PLCG1: variants seen among roughly 807,000 people sequenced by gnomAD.
PLCG1 encodes phospholipase C gamma 1.
A neutral mutation model predicts 177.8 loss-of-function variants in PLCG1; 71 were observed. The ratio of observed to expected loss-of-function variants is 0.40; its 90% CI spans 0.33 to 0.49. The LOEUF is 0.49. PLCG1 is among the 20% of genes least tolerant of loss of function. The pLI is 0.72. For missense variants in PLCG1, 1,281 were observed against 1,709.0 expected (o/e 0.75, Z 4.42); for synonymous variants, 658 against 647.9 (o/e 1.02, Z -0.24).
chr20:41,169,919 CAG>C (rs2035837022), intron 23 of PLCG1, among the ~76,000 whole-genome samples, 191 bp from the exon 24 acceptor site: 3 of 152,180 alleles, frequency 2.0e-5, no homozygotes, highest in African/African-American at 7.2e-5. Flanking sequence ...CCACCACAAC[CAG>C]CAGTGACTTG....
At position 41,163,240 on chromosome 20, in the gene PLCG1, C is replaced by A. The variant is rs145031121; in HGVS notation, c.754C>A (p.Pro252Thr). The change falls in exon 8 of 32, where the codon CCT becomes ACT. Residue 252 changes from proline (P) to threonine (T), a missense_variant. Physicochemically the swap from Pro to Thr is conservative, Grantham distance 38. This residue lies in a region of PLCG1 where 374 missense variants were observed against 443.8 expected (regional missense o/e 0.84). Coordinates refer to ENST00000685551, the MANE Select transcript of PLCG1 (RefSeq NM_002660.3). The surrounding 1 kb of genome is among the most constrained non-coding windows in gnomAD (Gnocchi z 5.2). ...ERPELCRVSL[P>T]EFQQFLLDYQ... ...GCCGGAGCTTTGCCGAGTGTCCCTTCCTGAGTTCCAGCAGTTCCTTCTTGA... is the reference window on the plus strand; with the variant it reads ...GCCGGAGCTTTGCCGAGTGTCCCTTACTGAGTTCCAGCAGTTCCTTCTTGA... The A allele has an allele frequency of 2.3e-5, 35 of 1,552,620 alleles. No individual in the cohort carries two copies. In the African/African-American group the frequency reaches 4.0e-4, roughly 18 times the overall value.
chr20:41,173,373 G>C lies in PLCG1; in HGVS notation c.3280-47G>C. Reference sequence around the variant, plus strand: ...ACTGAGCCTCCGCAGTGGGGAATTGGAGGGAGCAGGAAGGACAATCCCAGG... The same window carrying C: ...ACTGAGCCTCCGCAGTGGGGAATTGCAGGGAGCAGGAAGGACAATCCCAGG... On this transcript the variant is annotated intron_variant, in intron 27 of 31. Transcript: ENST00000685551. This position sits in a 1 kb window ranked among gnomAD's most constrained non-coding sequence, Gnocchi z 6.2. 2 of 1,501,086 alleles carry C rather than the reference G, an allele frequency of 1.3e-6. No individual in the cohort carries two copies. The highest frequency in any genetic ancestry group is 1.4e-5 in the African/African-American group (1 of 72,232). The allele number at this position is 1,501,086 out of a possible 1,614,324, so 93.0% of individuals were successfully genotyped here.
At chr20:41,140,595 C>A (rs1335580885) in intron 1 of PLCG1, among the ~76,000 whole-genome samples, 2 of 152,156 alleles carry the variant, frequency 1.3e-5, no homozygotes, top group East Asian at 3.8e-4. Context: ...TGCCCTGACT[C>A]TGTGCCCTCT....
intron 1 of PLCG1, among the ~76,000 whole-genome samples, chr20:41,142,839 A>G (rs2034872078): frequency 1.3e-5 from 2 of 152,212 alleles, no homozygotes; most frequent in Admixed American, 6.5e-5. Context: ...AGTGTGGCAC[A>G]GTGTAAGTGC....
At position 41,173,040 on chromosome 20, in the gene PLCG1, A is replaced by C. The variant is rs1397499670; in HGVS notation, c.3279+163A>C. On this transcript the variant is annotated intron_variant, in intron 27 of 31. Transcript: ENST00000685551. The surrounding 1 kb of genome is among the most constrained non-coding windows in gnomAD (Gnocchi z 6.2). ...GAAGGGGTGAAGATAGCATGCAGTCACTGTATGCATCTAGGACGTGCAGAG... is the reference window on the plus strand; with the variant it reads ...GAAGGGGTGAAGATAGCATGCAGTCCCTGTATGCATCTAGGACGTGCAGAG... Among the ~76,000 whole-genome samples the C allele has an allele frequency of 6.6e-6, 1 of 152,186 alleles. No homozygotes were observed. The highest frequency in any genetic ancestry group is 1.5e-5 in the Non-Finnish European group (1 of 68,032).
intron 1 of PLCG1, among the ~76,000 whole-genome samples, chr20:41,155,697 G>A (rs2146023970): frequency 6.6e-6 from 1 of 152,320 alleles, no homozygotes. Flanking sequence ...GCCTTGGCAA[G>A]TGGCCTTATT....
At position 41,163,014 on chromosome 20, in the gene PLCG1, T is replaced by C; in HGVS notation, c.716+22T>C. The C allele has an allele frequency of 1.2e-6, 2 of 1,612,126 alleles. No homozygotes were observed. The highest frequency in any genetic ancestry group is 1.7e-6 in the Non-Finnish European group (2 of 1,178,464). On this transcript the variant is annotated intron_variant, in intron 7 of 31. Coordinates refer to ENST00000685551, the MANE Select transcript of PLCG1 (RefSeq NM_002660.3). The surrounding 1 kb of genome is among the most constrained non-coding windows in gnomAD (Gnocchi z 5.2). ...TGAGGTTTGGTTTGGAGTGGGGAGGTGGGGTTTTCCCTGGGCCCCCTTCAT... is the reference window on the plus strand; with the variant it reads ...TGAGGTTTGGTTTGGAGTGGGGAGGCGGGGTTTTCCCTGGGCCCCCTTCAT...
In PLCG1 at chr20:41,167,691, C is replaced by T. The variant is rs6093449; in HGVS notation, c.2302-161C>T. 4 of 620,402 alleles carry T rather than the reference C, an allele frequency of 6.4e-6. No individual in the cohort carries two copies. The highest frequency in any genetic ancestry group is 5.4e-5 in the Admixed American group (2 of 36,734). 38.4% of individuals were successfully genotyped at this position (620,402 alleles called of 1,614,324 possible). The stretch of plus-strand genomic sequence containing the variant: ...AGGAAAGGGAACAGTGAGGCCGGGC[C>T]TGAGGCCTCTGAAGCCGTCTCTACT... On this transcript the variant is annotated intron_variant, in intron 19 of 31. Transcript: ENST00000685551. This position sits in a 1 kb window ranked among gnomAD's most constrained non-coding sequence, Gnocchi z 4.4.
chr20:41,140,092 C>T (rs909905361), intron 1 of PLCG1, among the ~76,000 whole-genome samples: 3 of 152,132 alleles, frequency 2.0e-5, no homozygotes, highest in Admixed American at 6.5e-5. Flanking sequence ...TGATAACCCC[C>T]TACCCAGGGG....
chr20:41,140,672 C>A (rs906791026), intron 1 of PLCG1, among the ~76,000 whole-genome samples: 2 of 152,036 alleles, frequency 1.3e-5, no homozygotes, highest in African/African-American at 4.8e-5. Flanking sequence ...GGCTCAAAAG[C>A]GGGGTGGGGA....
intron 1 of PLCG1, among the ~76,000 whole-genome samples, chr20:41,141,807 C>T (rs1003227919): frequency 9.2e-5 from 14 of 152,220 alleles, no homozygotes; most frequent in African/African-American, 3.1e-4. Context: ...GGGCCTGCTT[C>T]ACAGATAACT....
In PLCG1 at chr20:41,137,624, GC is replaced by G. The variant is rs1181922344; in HGVS notation, c.-13del. Reference sequence around the variant, plus strand: ...GGCGGTCCTGGCCTGTGCCGCCGCCGCCCCCAGCGTCGGAGCCATGGCGGGC... The same window carrying G: ...GGCGGTCCTGGCCTGTGCCGCCGCCGCCCCAGCGTCGGAGCCATGGCGGGC... On this transcript the variant is annotated 5_prime_UTR_variant, in exon 1 of 32. Coordinates refer to ENST00000685551, the MANE Select transcript of PLCG1 (RefSeq NM_002660.3). The surrounding 1 kb of genome is among the most constrained non-coding windows in gnomAD (Gnocchi z 7.3). The G allele has an allele frequency of 8.4e-6, 11 of 1,311,298 alleles. No homozygotes were observed. The highest frequency in any genetic ancestry group is 4.1e-5 in the Admixed American group (1 of 24,196). 81.2% of individuals were successfully genotyped at this position (1,311,298 alleles called of 1,614,324 possible).
rs946554222 is a variant in PLCG1, at chr20:41,153,419, T to C, written c.218-6187T>C. On this transcript the variant is annotated intron_variant, in intron 1 of 31. Transcript: ENST00000685551. This position sits in a 1 kb window ranked among gnomAD's most constrained non-coding sequence, Gnocchi z 5.1. The stretch of plus-strand genomic sequence containing the variant: ...GTGATCTTTCCCACCGCCTCCCAAG[T>C]AGCTGGGACTACAGGCATGTGCTAC... Among the ~76,000 whole-genome samples the C allele has an allele frequency of 6.6e-6, 1 of 152,182 alleles. No homozygotes were observed. The highest frequency in any genetic ancestry group is 1.5e-5 in the Non-Finnish European group (1 of 68,024).
intron 1 of PLCG1, among the ~76,000 whole-genome samples, chr20:41,155,661 C>T (rs537517745): frequency 2.1e-4 from 32 of 152,246 alleles, no homozygotes; most frequent in Middle Eastern, 6.8e-3. Context: ...TTTATTTCAC[C>T]CAAGTTTGGG....
rs1156669599 is a variant in PLCG1 at position 41,174,409 on chromosome 20, C to T, written c.3834-58C>T. On this transcript the variant is annotated intron_variant, in intron 31 of 31. Transcript: ENST00000685551. This position sits in a 1 kb window ranked among gnomAD's most constrained non-coding sequence, Gnocchi z 5.8. Reference sequence around the variant, plus strand: ...CTGGGTAGAAAAGTTGTAATATTGTCTGGCATTGGGCTGCAAGGCCCTGCC... The same window carrying T: ...CTGGGTAGAAAAGTTGTAATATTGTTTGGCATTGGGCTGCAAGGCCCTGCC... 3.9e-5 allele frequency: 62 copies of T among 1,596,374 alleles called. No homozygotes were observed. Among genetic ancestry groups the T allele is most frequent in the Middle Eastern group, 1.6e-4 (1 of 6,066 alleles).
chr20:41,175,110 C>G lies in PLCG1; in HGVS notation c.*601C>G, dbSNP rs1172913260. The G allele has an allele frequency of 6.5e-6, 1 of 153,016 alleles. No individual in the cohort carries two copies. Among genetic ancestry groups the G allele is most frequent in the Non-Finnish European group, 1.5e-5 (1 of 68,400 alleles). The allele number at this position is 153,016 out of a possible 1,614,324, so 9.5% of individuals were successfully genotyped here. ...GCCCATGGCTGGGAACATGACCCAG[C>G]CTGAAAGATACAGGGGATCATGTTA... On this transcript the variant is annotated 3_prime_UTR_variant, in exon 32 of 32. Transcript: ENST00000685551.
At chr20:41,161,628 T>C (rs1425580967) in intron 4 of PLCG1, among the ~76,000 whole-genome samples, 1 of 152,112 alleles carries the variant, frequency 6.6e-6, no homozygotes, top group Non-Finnish European at 1.5e-5. Context: ...CCGCAGTGCT[T>C]GATCCACTCA....
rs1224138301 is a variant in PLCG1 at position 41,173,659 on chromosome 20, T to C, written c.3402T>C (p.Asn1134=). The change falls in exon 29 of 32, where the codon AAT becomes AAC. Residue 1134 remains asparagine (N), a synonymous_variant. Transcript: ENST00000685551. The surrounding 1 kb of genome is among the most constrained non-coding windows in gnomAD (Gnocchi z 6.2). ...TTGTCGTTGCCTTCACAGTGGACAA[T>C]GGACTCAACCCTGTATGGCCAGCCA... is the stretch of plus-strand genomic sequence containing the variant. The part of the protein sequence containing the change: ...TKQKTEFVVD[N]GLNPVWPAKP... The C allele has an allele frequency of 1.2e-6, 2 of 1,614,154 alleles. No individual in the cohort carries two copies. Among genetic ancestry groups the C allele is most frequent in the Non-Finnish European group, 8.5e-7 (1 of 1,180,022 alleles).
At position 41,175,511 on chromosome 20, in the gene PLCG1, G is replaced by C. The variant is rs567552943; in HGVS notation, c.*1002G>C. The C allele has an allele frequency of 6.5e-6, 1 of 152,722 alleles. No homozygotes were observed. The highest frequency in any genetic ancestry group is 1.9e-4 in the East Asian group (1 of 5,186). 9.5% of individuals were successfully genotyped at this position (152,722 alleles called of 1,614,324 possible). A position where few individuals can be genotyped will look rare whatever the true frequency, so the allele number is the denominator to read the frequency against. ...CTTCTAACTGGTAAAAAGATCCAGG[G>C]ATGGAGATGGGAAGGTTAGAAAGGC... On this transcript the variant is annotated 3_prime_UTR_variant, in exon 32 of 32. Coordinates refer to ENST00000685551, the MANE Select transcript of PLCG1 (RefSeq NM_002660.3).
Sources: gnomAD v4.1 joint callset for allele counts (sites outside exome capture counted in the v4.1 genomes callset) on GRCh38, gnomAD v4.1.1 for gene constraint, gnomAD v4.1.1 regional missense constraint, Gnocchi (gnomAD v3.1) non-coding constraint, MANE v1.5 for transcripts, NCBI Gene and HGNC (gene_info 2026-07-23, HGNC 2026-07-21) for gene names.